ZMAT4: variants seen among roughly 807,000 people sequenced by gnomAD.
ZMAT4 encodes the protein zinc finger matrin-type protein 4.
In ZMAT4, 17 loss-of-function variants were observed where a neutral mutation model predicts 28.7. The ratio of observed to expected loss-of-function variants is 0.59; its 90% CI spans 0.41 to 0.89. The LOEUF (loss-of-function observed/expected upper bound fraction) is 0.89, where lower values mean the gene tolerates loss of function less well. Ranked by LOEUF, ZMAT4 falls within the 40% of genes least tolerant of loss-of-function variation. The pLI is 0.00. For missense variants in ZMAT4, 240 were observed against 283.8 expected (o/e 0.85, Z 1.11); for synonymous variants, 117 against 109.2 (o/e 1.07, Z -0.44).
intron 3 of ZMAT4, among the ~76,000 whole-genome samples, chr8:40,731,048 C>G (rs1028355460): frequency 1.3e-5 from 2 of 150,596 alleles, no homozygotes; most frequent in African/African-American, 4.8e-5. Context: ...CAAAAAGAAC[C>G]CTGGCCTTCA....
intron 2 of ZMAT4, among the ~76,000 whole-genome samples, chr8:40,768,126 G>A (rs943835885): frequency 3.9e-5 from 6 of 152,152 alleles, no homozygotes; most frequent in Admixed American, 3.9e-4. Context: ...TGGGGACAAT[G>A]CCTCCTTGGG....
intron 2 of ZMAT4, among the ~76,000 whole-genome samples, chr8:40,784,368 A>G (rs1024576885): frequency 6.6e-6 from 1 of 152,184 alleles, no homozygotes; most frequent in Non-Finnish European, 1.5e-5. Flanking sequence ...TCCGGCACCT[A>G]TTTATAATAT....
chr8:40,580,137 T>C (rs1417615856), intron 6 of ZMAT4, among the ~76,000 whole-genome samples: 1 of 150,518 alleles, frequency 6.6e-6, no homozygotes, highest in Admixed American at 6.7e-5. Context: ...CTCAGCCTCC[T>C]GAGTAGCTAG....
intron 2 of ZMAT4, among the ~76,000 whole-genome samples, chr8:40,791,808 C>A (rs963970999): frequency 1.3e-5 from 2 of 152,176 alleles, no homozygotes; most frequent in African/African-American, 2.4e-5. Context: ...CCCTTATAGC[C>A]CACAGACAAG....
chr8:40,708,571 T>TTCTCTCTCTC (rs36210172), intron 3 of ZMAT4, among the ~76,000 whole-genome samples: 1,639 of 120,974 alleles, frequency 0.014, 34 homozygotes, highest in Admixed American at 0.02. Flanking sequence ...TACACACTCT[T>TTCTCTCTCTC]TCTCTCTCTC....
intron 1 of ZMAT4, among the ~76,000 whole-genome samples, chr8:40,835,326 A>T (rs1816437053): frequency 6.6e-6 from 1 of 152,202 alleles, no homozygotes; most frequent in African/African-American, 2.4e-5. Flanking sequence ...CCTGTCGCTC[A>T]TTCCATCACA....
In ZMAT4 at chr8:40,611,099, T is replaced by C. The variant is rs114166607; in HGVS notation, c.578-29838A>G. 2.0e-3 allele frequency among the ~76,000 whole-genome samples: 301 copies of C among 152,316 alleles called. 1 individual carries two copies. In the Middle Eastern group the frequency reaches 0.02, roughly 10 times the overall value. On this transcript the variant is annotated intron_variant, in intron 5 of 6. Transcript: ENST00000297737. ...GCAAAAGTTGTGGAAATTTCGCCTA[T>C]TGAGAGTCACTTGAAAGTAGTTTTA...
At chr8:40,893,550 C>A (rs1168228024) in intron 1 of ZMAT4, among the ~76,000 whole-genome samples, 1 of 152,200 alleles carries the variant, frequency 6.6e-6, no homozygotes, top group Admixed American at 6.5e-5. Context: ...CCAGCCAGAG[C>A]TAAAAAGCGA....
chr8:40,709,952 C>A (rs756549232), intron 3 of ZMAT4, among the ~76,000 whole-genome samples: 2 of 150,930 alleles, frequency 1.3e-5, no homozygotes, highest in African/African-American at 4.9e-5. Flanking sequence ...GCAGGAGAAT[C>A]TCGTGAACCC....
chr8:40,569,178 A>G (rs1804016165), intron 6 of ZMAT4, among the ~76,000 whole-genome samples: 1 of 152,180 alleles, frequency 6.6e-6, no homozygotes, highest in Non-Finnish European at 1.5e-5. Context: ...CCTCCACCCC[A>G]AAGAGAAGTG....
intron 2 of ZMAT4, among the ~76,000 whole-genome samples, chr8:40,817,672 T>G (rs1216848490): frequency 6.6e-6 from 1 of 152,168 alleles, no homozygotes; most frequent in Non-Finnish European, 1.5e-5. Flanking sequence ...CATAGGTCAC[T>G]GGACCAAGGG....
intron 3 of ZMAT4, among the ~76,000 whole-genome samples, chr8:40,760,758 C>G (rs1276644636): frequency 1.3e-5 from 2 of 151,192 alleles, no homozygotes; most frequent in African/African-American, 4.9e-5. Context: ...CTCTCTCTGT[C>G]GCGGTCTCTC....
intron 3 of ZMAT4, among the ~76,000 whole-genome samples, chr8:40,757,572 C>A (rs1304000137): frequency 2.1e-5 from 3 of 143,400 alleles, no homozygotes; most frequent in East Asian, 2.0e-4. Context: ...GGCAACAGAG[C>A]AAGACCCCAT....
intron 3 of ZMAT4, among the ~76,000 whole-genome samples, chr8:40,751,531 T>A (rs1812450719): frequency 6.6e-6 from 1 of 151,636 alleles, no homozygotes; most frequent in Non-Finnish European, 1.5e-5. Flanking sequence ...CCACAAGAAA[T>A]CCATCCCCAT....
intron 5 of ZMAT4, among the ~76,000 whole-genome samples, chr8:40,601,820 T>C (rs1317554368): frequency 2.0e-5 from 3 of 152,186 alleles, no homozygotes; most frequent in Non-Finnish European, 4.4e-5. Flanking sequence ...ACATCGTCAA[T>C]GCTTCTCAAA....
At chr8:40,855,424 A>C (rs907580454) in intron 1 of ZMAT4, among the ~76,000 whole-genome samples, 2 of 152,074 alleles carry the variant, frequency 1.3e-5, no homozygotes, top group African/African-American at 4.8e-5. Flanking sequence ...AGACATCTTT[A>C]ACAGAGATAA....
chr8:40,729,294 G>T (rs927843179), intron 3 of ZMAT4, among the ~76,000 whole-genome samples: 2 of 152,156 alleles, frequency 1.3e-5, no homozygotes, highest in Non-Finnish European at 2.9e-5. Flanking sequence ...AATTATCTCT[G>T]TCATATCAAG....
At chr8:40,769,532 T>C (rs1813305006) in intron 2 of ZMAT4, among the ~76,000 whole-genome samples, 1 of 152,202 alleles carries the variant, frequency 6.6e-6, no homozygotes, top group East Asian at 1.9e-4. Flanking sequence ...AAAAGGAACA[T>C]TTAACCTGCA....
intron 1 of ZMAT4, among the ~76,000 whole-genome samples, chr8:40,863,779 C>T (rs914109262): frequency 6.6e-6 from 1 of 152,052 alleles, no homozygotes; most frequent in Admixed American, 6.5e-5. Context: ...CATGAGATAC[C>T]AATTATGGAA....
Sources: allele counts gnomAD v4.1 joint callset (sites outside exome capture counted in the v4.1 genomes callset), GRCh38; gene constraint gnomAD v4.1.1; transcripts MANE v1.5; gene names NCBI Gene and HGNC (gene_info 2026-07-23, HGNC 2026-07-21).